The following BEND7 variants were observed in gnomAD, a reference collection of about 807,000 sequenced individuals.
The protein encoded by BEND7 is BEN domain-containing protein 7.
In BEND7, 28 loss-of-function variants were observed where a neutral mutation model predicts 50.9. The ratio of observed to expected loss-of-function variants is 0.55; its 90% CI spans 0.41 to 0.75. The LOEUF (loss-of-function observed/expected upper bound fraction) is 0.75. Among genes scored for constraint, BEND7 ranks in the 30% least tolerant of loss-of-function variants. BEND7 has a pLI of 0.00. For synonymous variants in BEND7, 170 were observed against 183.9 expected (o/e 0.92, Z 0.61); for missense variants, 477 against 491.3 (o/e 0.97, Z 0.28).
chr10:13,488,069 A>C (rs2076366746), intron 5 of BEND7, among the ~76,000 whole-genome samples: 1 of 142,320 alleles, frequency 7.0e-6, no homozygotes, highest in Non-Finnish European at 1.5e-5. Flanking sequence ...CGACAGAGTG[A>C]GACTCTGTCT....
chr10:13,479,006 CTTTTT>C (rs34144594), intron 6 of BEND7, among the ~76,000 whole-genome samples: 1 of 127,734 alleles, frequency 7.8e-6, no homozygotes. Flanking sequence ...TTGTAATATA[CTTTTT>C]TTTTTTTTTT....
downstream of BEND7, chr10:13,438,925 G>C (rs1266954620): frequency 2.1e-6 from 1 of 468,020 alleles, no homozygotes. Context: ...TGGGAGAAGG[G>C]GAGTCACTTC....
At chr10:13,447,358 G>A in intron 7 of BEND7, 42 bp from the exon 8 acceptor site, 4 of 1,602,036 alleles carry the variant, frequency 2.5e-6, no homozygotes, top group Non-Finnish European at 3.4e-6. Flanking sequence ...ATTAGTTCCA[G>A]GGAGCACATT....
At chr10:13,496,325 A>C (rs1462593464) in intron 4 of BEND7, among the ~76,000 whole-genome samples, 1 of 152,218 alleles carries the variant, frequency 6.6e-6, no homozygotes, top group Non-Finnish European at 1.5e-5. Context: ...AACAAAGACG[A>C]CAGAACACGG....
chr10:13,497,305 A>T (rs970171806), intron 3 of BEND7, among the ~76,000 whole-genome samples: 2 of 152,282 alleles, frequency 1.3e-5, no homozygotes, highest in African/African-American at 4.8e-5. Context: ...GCTGTGTTTA[A>T]GAGTTCATAT....
intron 7 of BEND7, among the ~76,000 whole-genome samples, chr10:13,450,075 A>C (rs1410694606): frequency 6.6e-6 from 1 of 152,254 alleles, no homozygotes; most frequent in Non-Finnish European, 1.5e-5. Flanking sequence ...AAAAATGCAC[A>C]CCAGGAAAGG....
chr10:13,529,475 T>C (rs1009745860), upstream of BEND7, among the ~76,000 whole-genome samples: 1 of 152,104 alleles, frequency 6.6e-6, no homozygotes, highest in Non-Finnish European at 1.5e-5. Flanking sequence ...GGTTTTAGAA[T>C]ATTGTGGAGA....
chr10:13,447,908 TCATCG>T (rs1836772607), intron 7 of BEND7, among the ~76,000 whole-genome samples: 8 of 152,244 alleles, frequency 5.3e-5, no homozygotes, highest in South Asian at 2.1e-4. Context: ...TTAAATAGGG[TCATCG>T]CGGGGATGTG....
chr10:13,491,221 G>A (rs1394212466), intron 5 of BEND7, among the ~76,000 whole-genome samples: 1 of 151,388 alleles, frequency 6.6e-6, no homozygotes, highest in Non-Finnish European at 1.5e-5. Flanking sequence ...GCTGAGGTAG[G>A]AGAATTGCTT....
intron 8 of BEND7, chr10:13,442,575 C>G (rs935943103): frequency 6.6e-6 from 1 of 152,154 alleles, no homozygotes; most frequent in African/African-American, 2.4e-5. Flanking sequence ...GGCAAGTATA[C>G]TAGGAACCAA....
chr10:13,469,218 G>A (rs761815846), intron 6 of BEND7, among the ~76,000 whole-genome samples: 3 of 152,166 alleles, frequency 2.0e-5, no homozygotes, highest in Non-Finnish European at 4.4e-5. Flanking sequence ...GAAATACTAT[G>A]AGCTGACCAT....
At chr10:13,466,931 G>A (rs1366104071) in intron 6 of BEND7, among the ~76,000 whole-genome samples, 1 of 152,208 alleles carries the variant, frequency 6.6e-6, no homozygotes, top group Non-Finnish European at 1.5e-5. Flanking sequence ...AACATAGGCA[G>A]GAGGCTCAGG....
chr10:13,504,891 G>A (rs565259891), intron 2 of BEND7, among the ~76,000 whole-genome samples: 6 of 152,270 alleles, frequency 3.9e-5, no homozygotes, highest in African/African-American at 1.4e-4. Flanking sequence ...ACTAGATCAC[G>A]TTCCTTTACG....
At chr10:13,469,704 C>T (rs560603606) in intron 6 of BEND7, among the ~76,000 whole-genome samples, 198 of 152,204 alleles carry the variant, frequency 1.3e-3, no homozygotes, top group African/African-American at 4.1e-3. Flanking sequence ...CTCAATCTCT[C>T]GACCTCATGA....
intron 2 of BEND7, among the ~76,000 whole-genome samples, chr10:13,516,932 A>G (rs2078723963): frequency 6.6e-6 from 1 of 152,200 alleles, no homozygotes; most frequent in South Asian, 2.1e-4. Context: ...TGTATTTCTC[A>G]GTGTCCATTG....
At chr10:13,454,716 T>G (rs1034089285) in intron 6 of BEND7, among the ~76,000 whole-genome samples, 2 of 152,222 alleles carry the variant, frequency 1.3e-5, no homozygotes, top group Non-Finnish European at 2.9e-5. Context: ...ATTGAATTTT[T>G]TTTTTCCTGA....
At chr10:13,438,658 T>C (rs1172243352), downstream of BEND7, 1 of 154,692 alleles carries the variant, frequency 6.5e-6, no homozygotes, top group African/African-American at 2.4e-5. Context: ...CTAGCGTTTA[T>C]TAAATTCTCA....
intron 2 of BEND7, among the ~76,000 whole-genome samples, chr10:13,506,750 A>C (rs557705649): frequency 6.8e-6 from 1 of 146,644 alleles, no homozygotes; most frequent in Non-Finnish European, 1.5e-5. Context: ...TTCAGGATGG[A>C]AATGGAGCGA....
intron 2 of BEND7, among the ~76,000 whole-genome samples, chr10:13,507,088 T>C (rs1182842019): frequency 5.3e-5 from 8 of 152,158 alleles, no homozygotes; most frequent in Admixed American, 2.0e-4. Context: ...AGTAAGCCCC[T>C]GAGGGTCATG....
Sources: allele counts gnomAD v4.1 joint callset (sites outside exome capture counted in the v4.1 genomes callset), GRCh38; gene constraint gnomAD v4.1.1; transcripts MANE v1.5; gene names NCBI Gene and HGNC (gene_info 2026-07-23, HGNC 2026-07-21).